MUSK: variants seen among roughly 807,000 people sequenced by gnomAD.
The protein encoded by MUSK is muscle, skeletal receptor tyrosine-protein kinase.
Under a neutral mutation model 88.7 loss-of-function variants are expected in MUSK, and 55 were observed. The ratio of observed to expected loss-of-function variants is 0.62; its 90% CI spans 0.50 to 0.78. The LOEUF (loss-of-function observed/expected upper bound fraction) is 0.78. Among genes scored for constraint, MUSK ranks in the 30% least tolerant of loss-of-function variants. The pLI, the probability that MUSK is intolerant of heterozygous loss-of-function variation, is 0.00. For missense variants in MUSK, 1,015 were observed against 1,074.3 expected, an observed-to-expected ratio of 0.94 and a Z score of 0.77; for synonymous variants, 387 against 391.9, an observed-to-expected ratio of 0.99 and a Z score of 0.15.
intron 6 of MUSK, among the ~76,000 whole-genome samples, chr9:110,737,923 C>T (rs1177311199): frequency 6.6e-6 from 1 of 152,144 alleles, no homozygotes; most frequent in East Asian, 1.9e-4. Flanking sequence ...ATCTCATTCG[C>T]AATCTCTATC....
chr9:110,679,452 A>G (rs2076078536), intron 1 of MUSK, among the ~76,000 whole-genome samples: 1 of 151,332 alleles, frequency 6.6e-6, no homozygotes, highest in Non-Finnish European at 1.5e-5. Context: ...TATTTTTAAC[A>G]TTTCTGTTTT....
In MUSK at chr9:110,679,233, A is replaced by T. The variant is rs370520815; in HGVS notation, c.80-3441A>T. Among the ~76,000 whole-genome samples the T allele has an allele frequency of 4.0e-5, 6 of 151,898 alleles. No homozygotes were observed. In the East Asian group the frequency reaches 1.2e-3, roughly 29 times the overall value. On this transcript the variant is annotated intron_variant, in intron 1 of 14. Coordinates refer to ENST00000374448, the MANE Select transcript of MUSK (RefSeq NM_005592.4). ...CATTTCTCCATGTACTCTTGTGATAATTTTACTTTTGGGTTTGAGTCCATA... is the reference window on the plus strand; with the variant it reads ...CATTTCTCCATGTACTCTTGTGATATTTTTACTTTTGGGTTTGAGTCCATA...
Position 110,681,149 on chromosome 9 carries a change from A to T in MUSK, c.80-1525A>T, listed in dbSNP as rs1323449523. Among the ~76,000 whole-genome samples, 373 of 76,594 alleles carry T rather than the reference A, an allele frequency of 4.9e-3. 2 individuals are homozygous for T. The highest frequency in any genetic ancestry group is 0.011 in the Middle Eastern group (2 of 180). The allele number at this position is 76,594 out of a possible 152,430, so 50.2% of individuals were successfully genotyped here. On this transcript the variant is annotated intron_variant, in intron 1 of 14. Transcript: ENST00000374448. Reference sequence around the variant, plus strand: ...TTATATATATTATAAGGATCGTTATAATATATATTATAAAAATTATTATAA... The same window carrying T: ...TTATATATATTATAAGGATCGTTATTATATATATTATAAAAATTATTATAA...
rs980883348 is a variant in MUSK, at chr9:110,802,979, G to A, written c.*1991G>A. 6.6e-6 allele frequency among the ~76,000 whole-genome samples: 1 copy of A among 152,120 alleles called. No homozygotes were observed. Among genetic ancestry groups the A allele is most frequent in the Non-Finnish European group, 1.5e-5 (1 of 68,020 alleles). Reference sequence around the variant, plus strand: ...TGTGTCTAAAGCAGAAAGTCAAGATGCCAACAAAGCAGAAAAGTTGGAGAG... The same window carrying A: ...TGTGTCTAAAGCAGAAAGTCAAGATACCAACAAAGCAGAAAAGTTGGAGAG... On this transcript the variant is annotated 3_prime_UTR_variant, in exon 15 of 15. Coordinates refer to ENST00000374448, the MANE Select transcript of MUSK (RefSeq NM_005592.4).
chr9:110,736,076 C>T (rs778861524), intron 6 of MUSK, among the ~76,000 whole-genome samples: 9 of 151,926 alleles, frequency 5.9e-5, no homozygotes, highest in East Asian at 1.9e-4. Context: ...ACATAGTTCA[C>T]GATATTGAAC....
chr9:110,697,196 T>C (rs367796617), intron 4 of MUSK, 129 bp from the exon 5 acceptor site: 6 of 893,248 alleles, frequency 6.7e-6, no homozygotes, highest in Non-Finnish European at 8.7e-6. Flanking sequence ...ACATAATAAG[T>C]GGCCAATAAA....
chr9:110,728,962 G>A (rs1220535143), intron 5 of MUSK, among the ~76,000 whole-genome samples: 2 of 151,880 alleles, frequency 1.3e-5, no homozygotes, highest in Admixed American at 6.6e-5. Flanking sequence ...TAAATTTGGT[G>A]TCTCTGGAAA....
intron 3 of MUSK, among the ~76,000 whole-genome samples, chr9:110,694,215 C>CAAAAAAAAAAAA (rs1217917603): frequency 1.2e-4 from 9 of 72,044 alleles, no homozygotes; most frequent in East Asian, 3.8e-4. Context: ...ACTAAAAATA[C>CAAAAAAAAAAAA]AAAAAAAAAA....
In MUSK at chr9:110,681,081, TATATA is replaced by T. The variant is rs1488197442; in HGVS notation, c.80-1587_80-1583del. On this transcript the variant is annotated intron_variant, in intron 1 of 14. Transcript: ENST00000374448. ...ATTATATATATAATATTATATATAT[TATATA>T]ATATATATTATATAATATATATTAT... Among the ~76,000 whole-genome samples the T allele has an allele frequency of 1.9e-3, 24 of 12,434 alleles. 6 individuals carry two copies. The highest frequency in any genetic ancestry group is 2.7e-3 in the Non-Finnish European group (20 of 7,318). The allele number at this position is 12,434 out of a possible 152,430, so 8.2% of individuals were successfully genotyped here.
chr9:110,691,834 A>G (rs573505939), intron 3 of MUSK, among the ~76,000 whole-genome samples: 14 of 152,230 alleles, frequency 9.2e-5, no homozygotes, highest in Admixed American at 2.6e-4. Context: ...GAAGATGTAA[A>G]ATATTTCCTG....
intron 3 of MUSK, among the ~76,000 whole-genome samples, chr9:110,689,470 T>A (rs1353087880): frequency 9.1e-6 from 1 of 110,234 alleles, no homozygotes. Context: ...TTTATATATA[T>A]GTAAAAAATA....
intron 5 of MUSK, among the ~76,000 whole-genome samples, chr9:110,722,810 G>A (rs1260513598): frequency 6.6e-6 from 1 of 152,034 alleles, no homozygotes. Flanking sequence ...CTAATTATCA[G>A]GGAAATGCAA....
chr9:110,757,459 GA>G (rs56887113), intron 7 of MUSK, among the ~76,000 whole-genome samples: 3,288 of 122,156 alleles, frequency 0.027, 102 homozygotes, highest in African/African-American at 0.086. Context: ...ACTCTGTCTT[GA>G]AAAAAAAAAA....
At chr9:110,690,903 C>T (rs1185845321) in intron 3 of MUSK, among the ~76,000 whole-genome samples, 3 of 144,866 alleles carry the variant, frequency 2.1e-5, no homozygotes, top group South Asian at 2.1e-4. Context: ...GACGGAGTCT[C>T]GCTCAGGCTG....
chr9:110,769,305 T>C (rs2766998), intron 9 of MUSK, among the ~76,000 whole-genome samples: 125,973 of 152,120 alleles, frequency 0.83, 52,391 homozygotes, highest in African/African-American at 0.91. Flanking sequence ...AATTAGAGTT[T>C]TGTATTCCTC....
In MUSK at chr9:110,784,867, T is replaced by C; in HGVS notation, c.1437T>C (p.Pro479=). The C allele has an allele frequency of 6.2e-7, 1 of 1,613,914 alleles. No individual in the cohort carries two copies. The highest frequency in any genetic ancestry group is 1.1e-5 in the South Asian group (1 of 91,062). ...SKPSVDIPNL[P]SSSSSSFSVS... is the part of the protein sequence containing the mutation. ...CAAGTGTGGACATTCCAAATCTGCCTTCCTCCTCCTCTTCTTCCTTCTCTG... is the reference window on the plus strand; with the variant it reads ...CAAGTGTGGACATTCCAAATCTGCCCTCCTCCTCCTCTTCTTCCTTCTCTG... Residue 479 remains proline (P), a synonymous_variant, in exon 12 of 15, where the codon CCT becomes CCC. Coordinates refer to ENST00000374448, the MANE Select transcript of MUSK (RefSeq NM_005592.4).
chr9:110,682,339 G>A (rs1278145924), intron 1 of MUSK, among the ~76,000 whole-genome samples: 1 of 151,768 alleles, frequency 6.6e-6, no homozygotes, highest in Non-Finnish European at 1.5e-5. Flanking sequence ...TGATATTGGG[G>A]TGGACACAGA....
intron 5 of MUSK, among the ~76,000 whole-genome samples, chr9:110,719,259 T>C (rs1032172737): frequency 1.8e-4 from 27 of 152,072 alleles, no homozygotes; most frequent in Admixed American, 1.8e-3. Context: ...GGAATGTAAA[T>C]GGCCTAAGTG....
In MUSK at chr9:110,687,115, A is replaced by C; in HGVS notation, c.207-2A>C. The C allele has an allele frequency of 3.1e-6, 5 of 1,611,390 alleles. No homozygotes were observed. Among genetic ancestry groups the C allele is most frequent in the Non-Finnish European group, 4.2e-6 (5 of 1,178,292 alleles). ...TCTGTCATTTTTTTCTGTGACCTGCAGACTCTTTGACACCCGGTACAGCAT... is the reference window on the plus strand; with the variant it reads ...TCTGTCATTTTTTTCTGTGACCTGCCGACTCTTTGACACCCGGTACAGCAT... On this transcript the variant is annotated splice_acceptor_variant, in intron 2 of 14. Coordinates refer to ENST00000374448, the MANE Select transcript of MUSK (RefSeq NM_005592.4). LOFTEE classifies it high-confidence loss of function.
Sources: gnomAD v4.1 joint callset for allele counts (sites outside exome capture counted in the v4.1 genomes callset) on GRCh38, gnomAD v4.1.1 for gene constraint, MANE v1.5 for transcripts, NCBI Gene and HGNC (gene_info 2026-07-23, HGNC 2026-07-21) for gene names.